The following GABRG3 variants were observed in gnomAD, a reference collection of about 807,000 sequenced individuals.
GABRG3 encodes the protein gamma-aminobutyric acid receptor subunit gamma-3.
In GABRG3, 25 loss-of-function variants were observed where a neutral mutation model predicts 48.8. The ratio of observed to expected loss-of-function variants is 0.51; its 90% confidence interval spans 0.37 to 0.72. GABRG3 has a LOEUF of 0.72. Ranked by LOEUF, GABRG3 falls within the 30% of genes least tolerant of loss-of-function variation. The pLI is 0.00. For missense variants in GABRG3, 394 were observed against 577.9 expected, an observed-to-expected ratio of 0.68 and a Z score of 3.26; for synonymous variants, 227 against 217.6, an observed-to-expected ratio of 1.04 and a Z score of -0.38.
chr15:27,265,599 C>G (rs1890892603), intron 3 of GABRG3, among the ~76,000 whole-genome samples: 1 of 152,122 alleles, frequency 6.6e-6, no homozygotes, highest in Non-Finnish European at 1.5e-5. Context: ...GTTACATGAA[C>G]AGACACAGGT....
intron 3 of GABRG3, among the ~76,000 whole-genome samples, chr15:27,320,941 G>A (rs1352840823): frequency 1.3e-5 from 2 of 152,146 alleles, no homozygotes; most frequent in African/African-American, 4.8e-5. Context: ...CCTCCTCAGG[G>A]GAGCCACGTG....
At chr15:27,141,604 A>C (rs761356846) in intron 3 of GABRG3, among the ~76,000 whole-genome samples, 2 of 152,218 alleles carry the variant, frequency 1.3e-5, no homozygotes, top group Non-Finnish European at 2.9e-5. Flanking sequence ...ATGTAGGACA[A>C]ATGGCTTGGT....
At position 26,999,956 on chromosome 15, in the gene GABRG3, T is replaced by C. The variant is rs75527877; in HGVS notation, c.202+22806T>C. On this transcript the variant is annotated intron_variant, in intron 2 of 9. Transcript: ENST00000615808. ...TAGTTTTTATCTCTAGAAGTTTGATTTAGGTCTTGTTTATATCTTTTCATG... is the reference window on the plus strand; with the variant it reads ...TAGTTTTTATCTCTAGAAGTTTGATCTAGGTCTTGTTTATATCTTTTCATG... Among the ~76,000 whole-genome samples the C allele has an allele frequency of 2.0e-3, 300 of 152,302 alleles. 2 individuals are homozygous for C. The highest frequency in any genetic ancestry group is 7.0e-3 in the African/African-American group (292 of 41,570).
In GABRG3 at chr15:27,016,344, T is replaced by C. The variant is rs1895779653; in HGVS notation, c.203-10410T>C. ...TATCTGAGAATGTCTTACATTCTTATTCATTTTTGAAGGAGAGTTTTTACC... is the reference window on the plus strand; with the variant it reads ...TATCTGAGAATGTCTTACATTCTTACTCATTTTTGAAGGAGAGTTTTTACC... On this transcript the variant is annotated intron_variant, in intron 2 of 9. Coordinates refer to ENST00000615808, the MANE Select transcript of GABRG3 (RefSeq NM_033223.5). Among the ~76,000 whole-genome samples the C allele has an allele frequency of 2.0e-5, 3 of 151,974 alleles. No homozygotes were observed. The South Asian group carries it at 6.2e-4, about 32-fold the overall frequency.
chr15:27,346,319 T>G (rs1038389272), intron 5 of GABRG3, among the ~76,000 whole-genome samples: 6 of 152,190 alleles, frequency 3.9e-5, no homozygotes, highest in Non-Finnish European at 2.9e-5. Context: ...AATGTTAAAA[T>G]TTACACCCTT....
At chr15:27,247,703 G>A (rs1890311313) in intron 3 of GABRG3, among the ~76,000 whole-genome samples, 2 of 152,178 alleles carry the variant, frequency 1.3e-5, no homozygotes, top group African/African-American at 4.8e-5. Context: ...GGTCTCACAT[G>A]GCTGGGGAGG....
chr15:27,296,626 G>A (rs930345360), intron 3 of GABRG3, among the ~76,000 whole-genome samples: 6 of 152,002 alleles, frequency 3.9e-5, no homozygotes, highest in African/African-American at 9.7e-5. Flanking sequence ...AATTCCTATC[G>A]CCTAGTGATA....
At chr15:27,020,377 G>C (rs1031680366) in intron 2 of GABRG3, among the ~76,000 whole-genome samples, 4 of 152,188 alleles carry the variant, frequency 2.6e-5, no homozygotes, top group Admixed American at 2.6e-4. Context: ...TATTGGTCCT[G>C]TAGCTCTTCT....
At chr15:27,109,844 T>C (rs917414006) in intron 3 of GABRG3, among the ~76,000 whole-genome samples, 4 of 152,168 alleles carry the variant, frequency 2.6e-5, no homozygotes, top group Non-Finnish European at 4.4e-5. Flanking sequence ...ATCGCGCCAC[T>C]GCACTCTAGC....
intron 3 of GABRG3, among the ~76,000 whole-genome samples, chr15:27,308,781 AC>A (rs994345215): frequency 5.3e-5 from 8 of 150,042 alleles, no homozygotes; most frequent in Admixed American, 5.3e-4. Context: ...TATATATAAA[AC>A]ACAATGTAAA....
chr15:27,210,408 C>A (rs577671016), intron 3 of GABRG3, among the ~76,000 whole-genome samples: 3 of 152,356 alleles, frequency 2.0e-5, no homozygotes, highest in Admixed American at 1.3e-4. Flanking sequence ...AGGGCATATC[C>A]TGCTATTGTC....
chr15:27,187,872 C>G (rs1399184333), intron 3 of GABRG3, among the ~76,000 whole-genome samples: 1 of 138,142 alleles, frequency 7.2e-6, no homozygotes, highest in African/African-American at 2.7e-5. Context: ...TGCTATCCTT[C>G]CCCCCTCCCC....
chr15:27,208,759 A>G (rs1595586628), intron 3 of GABRG3: 1 of 152,402 alleles, frequency 6.6e-6, no homozygotes, highest in Non-Finnish European at 1.5e-5. Flanking sequence ...ACATCATAGG[A>G]GATCAATGTT....
chr15:27,197,526 C>G (rs1888534472), intron 3 of GABRG3, among the ~76,000 whole-genome samples: 1 of 151,498 alleles, frequency 6.6e-6, no homozygotes, highest in African/African-American at 2.4e-5. Flanking sequence ...CTGCATGAGC[C>G]CTGGAGGCAG....
At chr15:27,211,582 A>G (rs947680758) in intron 3 of GABRG3, among the ~76,000 whole-genome samples, 7 of 152,216 alleles carry the variant, frequency 4.6e-5, no homozygotes, top group African/African-American at 7.2e-5. Context: ...CTAACAGCTT[A>G]AGCTAAAATG....
rs147526577 is a variant in GABRG3 at position 26,975,129 on chromosome 15, G to A, written c.54-1873G>A. Among the ~76,000 whole-genome samples the A allele has an allele frequency of 1.8e-3, 271 of 152,080 alleles. 3 individuals carry two copies. Among genetic ancestry groups the A allele is most frequent in the Admixed American group, 5.0e-3 (77 of 15,280 alleles). On this transcript the variant is annotated intron_variant, in intron 1 of 9. Coordinates refer to ENST00000615808, the MANE Select transcript of GABRG3 (RefSeq NM_033223.5). This position sits in a 1 kb window ranked among gnomAD's most constrained non-coding sequence, Gnocchi z 4.6. ...TGACCTCAGATGACCCACCCGCCTT[G>A]GCTTCCCAAAGTGTTGGGATTACAG...
At chr15:27,150,573 C>T (rs988385987) in intron 3 of GABRG3, among the ~76,000 whole-genome samples, 1 of 152,216 alleles carries the variant, frequency 6.6e-6, no homozygotes, top group Admixed American at 6.5e-5. Context: ...AGAGCACTCA[C>T]AACAACTTCT....
At chr15:27,004,345 C>T (rs1420936869) in intron 2 of GABRG3, among the ~76,000 whole-genome samples, 2 of 148,326 alleles carry the variant, frequency 1.3e-5, no homozygotes, top group African/African-American at 5.0e-5. Context: ...ACATCTCAGA[C>T]AATGGGCGGC....
chr15:27,397,110 G>C (rs1887324390), intron 5 of GABRG3, among the ~76,000 whole-genome samples: 1 of 152,146 alleles, frequency 6.6e-6, no homozygotes, highest in Admixed American at 6.6e-5. Flanking sequence ...CTGCCAGAGT[G>C]TAAGCACAAA....
Sources: gnomAD v4.1 joint callset for allele counts (sites outside exome capture counted in the v4.1 genomes callset) on GRCh38, gnomAD v4.1.1 for gene constraint, Gnocchi (gnomAD v3.1) non-coding constraint, MANE v1.5 for transcripts, NCBI Gene and HGNC (gene_info 2026-07-23, HGNC 2026-07-21) for gene names.